Variants in PACRG observed in about 807,000 individuals in gnomAD.
PACRG encodes the protein parkin coregulated gene protein.
A neutral mutation model predicts 29.7 loss-of-function variants in PACRG; 29 were observed. That is an observed-to-expected ratio of 0.98 (90% CI 0.73 to 1.33). The LOEUF (loss-of-function observed/expected upper bound fraction) is 1.33, where lower values mean the gene tolerates loss of function less well. Among genes scored for constraint, PACRG ranks in the 40% most tolerant of loss-of-function variants. The pLI, the probability that PACRG is intolerant of heterozygous loss-of-function variation, is 0.00. For synonymous variants in PACRG, 116 were observed against 118.7 expected, an observed-to-expected ratio of 0.98 and a Z score of 0.15; for missense variants, 279 against 316.2, an observed-to-expected ratio of 0.88 and a Z score of 0.89.
At chr6:163,022,413 G>C (rs937794000) in intron 2 of PACRG, among the ~76,000 whole-genome samples, 6 of 152,196 alleles carry the variant, frequency 3.9e-5, no homozygotes, top group African/African-American at 1.4e-4. Context: ...ACTGCTGAAG[G>C]CTGCCGAGAT....
chr6:163,264,554 G>A (rs1783455850), intron 4 of PACRG, among the ~76,000 whole-genome samples: 1 of 152,218 alleles, frequency 6.6e-6, no homozygotes, highest in African/African-American at 2.4e-5. Context: ...AGGTGTGGTT[G>A]AGAAGAGCCG....
chr6:163,102,909 AC>A (rs1815180374), intron 4 of PACRG, among the ~76,000 whole-genome samples: 1 of 152,218 alleles, frequency 6.6e-6, no homozygotes, highest in Non-Finnish European at 1.5e-5. Flanking sequence ...AGGTATTGTT[AC>A]TAAATGTAAA....
At chr6:162,871,098 G>A (rs1178528105) in intron 2 of PACRG, among the ~76,000 whole-genome samples, 1 of 152,206 alleles carries the variant, frequency 6.6e-6, no homozygotes, top group African/African-American at 2.4e-5. Flanking sequence ...ACGAGGTGAT[G>A]TGGGGGTGGT....
chr6:163,276,178 T>C (rs1374336808), intron 4 of PACRG, among the ~76,000 whole-genome samples: 1 of 151,862 alleles, frequency 6.6e-6, no homozygotes, highest in African/African-American at 2.4e-5. Context: ...AGGCGAGCGC[T>C]ACCATGCCTG....
intron 2 of PACRG, among the ~76,000 whole-genome samples, chr6:162,959,642 A>T (rs1325275123): frequency 6.6e-6 from 1 of 152,142 alleles, no homozygotes; most frequent in Admixed American, 6.5e-5. Flanking sequence ...TTTTTGAAGG[A>T]TCCCTTGGGC....
chr6:163,252,570 C>T (rs555423654), intron 4 of PACRG, among the ~76,000 whole-genome samples: 2 of 152,258 alleles, frequency 1.3e-5, no homozygotes, highest in East Asian at 1.9e-4. Context: ...CGGGGCTCAC[C>T]GTGCAGAGTC....
intron 2 of PACRG, among the ~76,000 whole-genome samples, chr6:163,027,411 T>A (rs1430160808): frequency 6.6e-6 from 1 of 152,200 alleles, no homozygotes; most frequent in Non-Finnish European, 1.5e-5. Context: ...TTGGCTAAAA[T>A]CTGGAAACAT....
intron 2 of PACRG, among the ~76,000 whole-genome samples, chr6:162,831,149 G>A (rs959635353): frequency 2.6e-5 from 4 of 152,162 alleles, no homozygotes; most frequent in Non-Finnish European, 4.4e-5. Flanking sequence ...AGGCAGGCAG[G>A]TAGGGTTTAG....
At chr6:163,146,301 C>G (rs1444552762) in intron 4 of PACRG, among the ~76,000 whole-genome samples, 3 of 152,216 alleles carry the variant, frequency 2.0e-5, no homozygotes, top group African/African-American at 7.2e-5. Flanking sequence ...GAGATACTTT[C>G]ATTCCTAGCC....
chr6:163,271,470 T>A (rs1038320576), intron 4 of PACRG, among the ~76,000 whole-genome samples: 1 of 152,218 alleles, frequency 6.6e-6, no homozygotes, highest in African/African-American at 2.4e-5. Flanking sequence ...TCCCAATTCA[T>A]GTTTATAAAG....
chr6:163,143,033 G>A (rs1024741333), intron 4 of PACRG, among the ~76,000 whole-genome samples: 4 of 152,124 alleles, frequency 2.6e-5, no homozygotes, highest in Non-Finnish European at 5.9e-5. Flanking sequence ...AAACGCTGGC[G>A]AAATCCAAAT....
intron 1 of PACRG, among the ~76,000 whole-genome samples, chr6:162,740,043 T>C (rs1562548261): frequency 6.6e-6 from 1 of 152,144 alleles, no homozygotes; most frequent in South Asian, 2.1e-4. Context: ...GACAGTACCA[T>C]CTATGAATAC....
At chr6:162,889,751 G>A (rs1466591591) in intron 2 of PACRG, among the ~76,000 whole-genome samples, 1 of 152,184 alleles carries the variant, frequency 6.6e-6, no homozygotes, top group Non-Finnish European at 1.5e-5. Flanking sequence ...TTATAGTCCG[G>A]TTATTTTCCA....
At chr6:162,817,961 A>T (rs1361450490) in intron 2 of PACRG, among the ~76,000 whole-genome samples, 9 of 152,188 alleles carry the variant, frequency 5.9e-5, no homozygotes, top group Non-Finnish European at 2.9e-5. Context: ...GAGCTATGAA[A>T]GTTGAATAAA....
intron 4 of PACRG, among the ~76,000 whole-genome samples, chr6:163,230,517 G>T (rs1270550578): frequency 6.6e-6 from 1 of 152,120 alleles, no homozygotes; most frequent in African/African-American, 2.4e-5. Flanking sequence ...CTTATACTTA[G>T]TGGAGTTTTA....
At position 163,081,211 on chromosome 6, in the gene PACRG, C is replaced by T. The variant is rs202098248; in HGVS notation, c.464-8048C>T. ...ATCCATTGTAATCTAATTCAACTAA[C>T]GCTATAATGGGCCCAAAACATAAAA... On this transcript the variant is annotated intron_variant, in intron 3 of 4. Transcript: ENST00000366888. Among the ~76,000 whole-genome samples, 5 of 152,178 alleles carry T rather than the reference C, an allele frequency of 3.3e-5. No homozygotes were observed. In the South Asian group the frequency reaches 6.2e-4, roughly 19 times the overall value.
intron 4 of PACRG, among the ~76,000 whole-genome samples, chr6:163,116,567 C>T (rs1816004545): frequency 6.6e-6 from 1 of 152,080 alleles, no homozygotes; most frequent in South Asian, 2.1e-4. Flanking sequence ...CCAGCGACAG[C>T]AGTCCAGGTA....
At chr6:162,912,450 C>T (rs1007606524) in intron 2 of PACRG, among the ~76,000 whole-genome samples, 9 of 152,214 alleles carry the variant, frequency 5.9e-5, no homozygotes, top group Admixed American at 2.0e-4. Flanking sequence ...GGTATCACCA[C>T]ATCCTTGCCA....
At chr6:163,033,247 A>G (rs561752504) in intron 2 of PACRG, among the ~76,000 whole-genome samples, 15 of 152,296 alleles carry the variant, frequency 9.8e-5, no homozygotes, top group East Asian at 5.8e-4. Flanking sequence ...TTAGTAAGCA[A>G]TTTTATTTAT....
Sources: gnomAD v4.1 joint callset for allele counts (sites outside exome capture counted in the v4.1 genomes callset) on GRCh38, gnomAD v4.1.1 for gene constraint, MANE v1.5 for transcripts, NCBI Gene and HGNC (gene_info 2026-07-23, HGNC 2026-07-21) for gene names.